Variants in ZNF614 observed in about 807,000 individuals in gnomAD.
The protein encoded by ZNF614 is zinc finger protein 614.
In ZNF614, 11 loss-of-function variants were observed where a neutral mutation model predicts 12.8. The observed-to-expected ratio is 0.86, with a 90% confidence interval of 0.54 to 1.43. The LOEUF (loss-of-function observed/expected upper bound fraction) is 1.43, where lower values mean the gene tolerates loss of function less well. Ranked by LOEUF, ZNF614 falls within the 40% of genes most tolerant of loss-of-function variation. The pLI, the probability that ZNF614 is intolerant of heterozygous loss-of-function variation, is 0.00. For missense variants in ZNF614, 664 were observed against 708.8 expected, an observed-to-expected ratio of 0.94 and a Z score of 0.72; for synonymous variants, 237 against 237.5, an observed-to-expected ratio of 1.00 and a Z score of 0.02.
intron 2 of ZNF614, among the ~76,000 whole-genome samples, chr19:52,019,357 C>T (rs1249133655): frequency 6.6e-6 from 1 of 152,140 alleles, no homozygotes; most frequent in Non-Finnish European, 1.5e-5. Flanking sequence ...TGTATGCCCA[C>T]TTATGGTTTC....
At position 52,018,083 on chromosome 19, in the gene ZNF614, C is replaced by G. The variant is rs1402267113; in HGVS notation, c.163G>C (p.Asp55His). ...CCATGTGCCAACTTGGAGAGTACAT[C>G]TGGTTTGCTAGTTTGATACCCTGTT... The part of the protein sequence containing the change: ...VSLGYQTSKP[D>H]VLSKLAHGQE... Residue 55 changes from aspartate (D) to histidine (H), a missense_variant, in exon 4 of 5, where the codon GAT (aspartate) becomes CAT (histidine). Asp to His is a moderately conservative substitution (Grantham distance 81, BLOSUM62 -1). Coordinates refer to ENST00000270649, the MANE Select transcript of ZNF614 (RefSeq NM_025040.4). 6.2e-7 allele frequency: 1 copy of G among 1,614,088 alleles called. No individual in the cohort carries two copies.
At chr19:52,017,634 G>A (rs1260514681) in intron 4 of ZNF614, 3 of 380,062 alleles carry the variant, frequency 7.9e-6, no homozygotes, top group African/African-American at 4.2e-5. Flanking sequence ...CCAGGAGGAC[G>A]AGGTTGCAGC....
chr19:52,018,242 A>G (rs1460756934), intron 3 of ZNF614, 126 bp downstream of exon 3: 5 of 1,507,560 alleles, frequency 3.3e-6, no homozygotes, highest in Non-Finnish European at 4.6e-6. Context: ...CTTTGGGGTC[A>G]GAGAGGGGAC....
chr19:52,025,827 T>C lies in ZNF614; in HGVS notation c.-82A>G. The C allele has an allele frequency of 6.6e-7, 1 of 1,510,158 alleles. No individual in the cohort carries two copies. The highest frequency in any genetic ancestry group is 9.1e-7 in the Non-Finnish European group (1 of 1,102,346). The allele number at this position is 1,510,158 out of a possible 1,614,324, so 93.5% of individuals were successfully genotyped here. On this transcript the variant is annotated 5_prime_UTR_variant, in exon 2 of 5. Transcript: ENST00000270649. ...TGCATTTGCCATGAAGTTTTTGAAG[T>C]TTTCCTAGTCAGAAATATTAGTGTC... is the stretch of plus-strand genomic sequence containing the variant.
chr19:52,028,224 G>GC lies in ZNF614; in HGVS notation c.-217+17dup, dbSNP rs1166051557. On this transcript the variant is annotated intron_variant, in intron 1 of 4. Transcript: ENST00000270649. ...ACAGACCCACAGGCCGCGAGTCCAT[G>GC]CCCAGAACTCGACTCACCCGAGCCC... is the stretch of plus-strand genomic sequence containing the variant. The GC allele has an allele frequency of 6.6e-6, 1 of 152,506 alleles. No individual in the cohort carries two copies. Among genetic ancestry groups the GC allele is most frequent in the East Asian group, 1.9e-4 (1 of 5,196 alleles). 9.4% of individuals were successfully genotyped at this position (152,506 alleles called of 1,614,324 possible).
intron 2 of ZNF614, among the ~76,000 whole-genome samples, chr19:52,018,959 C>T (rs2086917835): frequency 6.6e-6 from 1 of 152,076 alleles, no homozygotes; most frequent in South Asian, 2.1e-4. Flanking sequence ...ACCTTGAACT[C>T]CTAAGCTCAA....
chr19:52,013,588 A>G lies in ZNF614; in HGVS notation c.*2252T>C, dbSNP rs2086879376. On this transcript the variant is annotated 3_prime_UTR_variant, in exon 5 of 5. Transcript: ENST00000270649. ...CTATCAATAAAAATTCATATAACTT[A>G]TTTATATAAAATTTATAAAAACCAT... 1 of 152,134 alleles carries G rather than the reference A, an allele frequency of 6.6e-6. No individual in the cohort carries two copies. Among genetic ancestry groups the G allele is most frequent in the South Asian group, 2.1e-4 (1 of 4,830 alleles). 9.4% of individuals were successfully genotyped at this position (152,134 alleles called of 1,614,324 possible).
Position 52,016,533 on chromosome 19 carries a change from C to T in ZNF614, c.1065G>A (p.Lys355=). The T allele has an allele frequency of 1.2e-6, 2 of 1,613,832 alleles. No homozygotes were observed. Among genetic ancestry groups the T allele is most frequent in the Non-Finnish European group, 1.7e-6 (2 of 1,179,878 alleles). Residue 355 remains lysine (K), a synonymous_variant, in exon 5 of 5, where the codon AAG becomes AAA. Coordinates refer to ENST00000270649, the MANE Select transcript of ZNF614 (RefSeq NM_025040.4). ...TTCGCTGATGTACAACAAGATAGCG[C>T]TTCATGGTGAAGCCTTTTCCACATT... The part of the protein sequence containing the change: ...CSECGKGFTM[K]RYLVVHQRTH...
In ZNF614 at chr19:52,015,580, T is replaced by C. The variant is rs1010395150; in HGVS notation, c.*260A>G. 1.7e-5 allele frequency: 6 copies of C among 356,346 alleles called. No homozygotes were observed. The highest frequency in any genetic ancestry group is 8.3e-5 in the African/African-American group (4 of 47,992). 22.1% of individuals were successfully genotyped at this position (356,346 alleles called of 1,614,324 possible). ...TGCTCAAAACATCTCCACATTAATA[T>C]AGTTTATTCAACGTATTTTCATTGA... On this transcript the variant is annotated 3_prime_UTR_variant, in exon 5 of 5. Coordinates refer to ENST00000270649, the MANE Select transcript of ZNF614 (RefSeq NM_025040.4).
At position 52,018,511 on chromosome 19, in the gene ZNF614, C is replaced by G. The variant is rs1482019530; in HGVS notation, c.16-17G>C. ...CAGTGATTCCTGTAATTACAAAGTCCTATTCAATATGATATAAACTCCTAT... is the reference window on the plus strand; with the variant it reads ...CAGTGATTCCTGTAATTACAAAGTCGTATTCAATATGATATAAACTCCTAT... On this transcript the variant is annotated splice_polypyrimidine_tract_variant and intron_variant, in intron 2 of 4. Transcript: ENST00000270649. The G allele has an allele frequency of 1.9e-6, 3 of 1,612,320 alleles. No individual in the cohort carries two copies.
chr19:52,026,468 C>G (rs1048945318), intron 1 of ZNF614, among the ~76,000 whole-genome samples: 7 of 152,226 alleles, frequency 4.6e-5, no homozygotes, highest in African/African-American at 7.2e-5. Context: ...CATCACCATT[C>G]TCTAATCTCA....
Position 52,019,658 on chromosome 19 carries a change from T to G in ZNF614, c.16-1164A>C, listed in dbSNP as rs73576930. Reference sequence around the variant, plus strand: ...ATCCAGAAACGTATGGAATACAATCTTCAAAGTCCTAATTCTTGCAACAAA... The same window carrying G: ...ATCCAGAAACGTATGGAATACAATCGTCAAAGTCCTAATTCTTGCAACAAA... On this transcript the variant is annotated intron_variant, in intron 2 of 4. Transcript: ENST00000270649. 4.9e-3 allele frequency among the ~76,000 whole-genome samples: 754 copies of G among 152,342 alleles called. 5 individuals are homozygous for G. The highest frequency in any genetic ancestry group is 0.017 in the African/African-American group (703 of 41,586).
rs1191930265 is a variant in ZNF614 at position 52,015,709 on chromosome 19, C to A, written c.*131G>T. ...ATTTCACCTCCTGAGGACAGACACA[C>A]ATCTGTCAACAGGCAGCACCATGTT... On this transcript the variant is annotated 3_prime_UTR_variant, in exon 5 of 5. Coordinates refer to ENST00000270649, the MANE Select transcript of ZNF614 (RefSeq NM_025040.4). 1.2e-6 allele frequency: 1 copy of A among 842,948 alleles called. No individual in the cohort carries two copies. Among genetic ancestry groups the A allele is most frequent in the Non-Finnish European group, 1.9e-6 (1 of 535,872 alleles). 52.2% of individuals were successfully genotyped at this position (842,948 alleles called of 1,614,324 possible).
intron 2 of ZNF614, among the ~76,000 whole-genome samples, chr19:52,019,950 T>C (rs947676959): frequency 2.6e-5 from 4 of 152,254 alleles, no homozygotes; most frequent in African/African-American, 9.6e-5. Context: ...TGCTCAAGCC[T>C]GGTCAGTTTA....
At position 52,018,636 on chromosome 19, in the gene ZNF614, C is replaced by T; in HGVS notation, c.16-142G>A. The T allele has an allele frequency of 3.7e-6, 3 of 806,980 alleles. 1 individual carries two copies. In the South Asian group the frequency reaches 6.3e-5, roughly 17 times the overall value. 50.0% of individuals were successfully genotyped at this position (806,980 alleles called of 1,614,324 possible). ...TATACTTTGGTAGGAGCAAAATCCTCTATCTATACATTTTAGCGCCTATTT... is the reference window on the plus strand; with the variant it reads ...TATACTTTGGTAGGAGCAAAATCCTTTATCTATACATTTTAGCGCCTATTT... On this transcript the variant is annotated intron_variant, in intron 2 of 4. Transcript: ENST00000270649.
rs1184388332 is a variant in ZNF614 at position 52,016,781 on chromosome 19, T to C, written c.817A>G (p.Ser273Gly). Reference protein sequence around the residue: ...EYRKGSTVKSSLITHQQTHTE... With the variant: ...EYRKGSTVKSGLITHQQTHTE... ...TGGGTTTGTTGATGTGTAATGAGAC[T>C]ACTCTTCACAGTAGAGCCTTTTCTA... Residue 273 changes from serine to glycine, a missense_variant, in exon 5 of 5, where the codon AGT becomes GGT. Coordinates refer to ENST00000270649, the MANE Select transcript of ZNF614 (RefSeq NM_025040.4). 1 of 1,614,186 alleles carries C rather than the reference T, an allele frequency of 6.2e-7. No individual in the cohort carries two copies. The highest frequency in any genetic ancestry group is 1.1e-5 in the South Asian group (1 of 91,088).
chr19:52,015,812 C>A lies in ZNF614; in HGVS notation c.*28G>T. The A allele has an allele frequency of 6.4e-7, 1 of 1,568,924 alleles. No individual in the cohort carries two copies. The highest frequency in any genetic ancestry group is 8.6e-7 in the Non-Finnish European group (1 of 1,158,382). On this transcript the variant is annotated 3_prime_UTR_variant, in exon 5 of 5. Coordinates refer to ENST00000270649, the MANE Select transcript of ZNF614 (RefSeq NM_025040.4). The stretch of plus-strand genomic sequence containing the variant: ...ACAAAAGGCATTTCCATAGTCACGG[C>A]ACTAGTAGGGTTTTCTTCTGCATGA...
intron 2 of ZNF614, among the ~76,000 whole-genome samples, chr19:52,020,039 C>G (rs1365089318): frequency 6.6e-6 from 1 of 152,148 alleles, no homozygotes; most frequent in Non-Finnish European, 1.5e-5. Flanking sequence ...CTCCACAGTC[C>G]AAAAGAATTT....
In ZNF614 at chr19:52,014,254, AC is replaced by A. The variant is rs1260594454; in HGVS notation, c.*1585del. The A allele has an allele frequency of 6.6e-6, 1 of 152,124 alleles. No individual in the cohort carries two copies. The highest frequency in any genetic ancestry group is 1.5e-5 in the Non-Finnish European group (1 of 68,034). 9.4% of individuals were successfully genotyped at this position (152,124 alleles called of 1,614,324 possible). ...GTGTTCTACAATTCAATTCTGAACA[AC>A]TGGGTGTTCTATAATTCAATTCTGA... On this transcript the variant is annotated 3_prime_UTR_variant, in exon 5 of 5. Transcript: ENST00000270649.
Sources: allele counts gnomAD v4.1 joint callset (sites outside exome capture counted in the v4.1 genomes callset), GRCh38; gene constraint gnomAD v4.1.1; transcripts MANE v1.5; gene names NCBI Gene and HGNC (gene_info 2026-07-23, HGNC 2026-07-21).